Variants in TBC1D20 observed in about 807,000 individuals in gnomAD.
The protein encoded by TBC1D20 is TBC1 domain family member 20, also known as chromosome 20 open reading frame 140.
In TBC1D20, 12 loss-of-function variants were observed where a neutral mutation model predicts 41.6. The ratio of observed to expected loss-of-function variants is 0.29; its 90% CI spans 0.18 to 0.47. The LOEUF is 0.47. TBC1D20 is among the 20% of genes least tolerant of loss of function. TBC1D20 has a pLI of 1.00. For missense variants in TBC1D20, 421 were observed against 517.4 expected, an observed-to-expected ratio of 0.81 and a Z score of 1.81; for synonymous variants, 205 against 204.8, an observed-to-expected ratio of 1.00 and a Z score of -0.01.
rs1020908686 is a variant in TBC1D20, at chr20:443,044, G to A, written c.338-1001C>T. On this transcript the variant is annotated intron_variant, in intron 3 of 7. Coordinates refer to ENST00000354200, the MANE Select transcript of TBC1D20 (RefSeq NM_144628.4). Reference sequence around the variant, plus strand: ...GAACCCAGGAACCAGAGCTTGCAGTGAGCTGAGATCGTGCCACTGCACTGC... The same window carrying A: ...GAACCCAGGAACCAGAGCTTGCAGTAAGCTGAGATCGTGCCACTGCACTGC... Among the ~76,000 whole-genome samples the A allele has an allele frequency of 1.0e-3, 156 of 152,198 alleles. 2 individuals are homozygous for A. The highest frequency in any genetic ancestry group is 7.4e-5 in the Non-Finnish European group (5 of 68,020).
chr20:461,966 T>A (rs2017638990), intron 1 of TBC1D20, among the ~76,000 whole-genome samples: 2 of 152,302 alleles, frequency 1.3e-5, no homozygotes, highest in South Asian at 4.1e-4. Context: ...GGGAGGCGGC[T>A]CCGGGAGCCT....
In TBC1D20 at chr20:439,172, G is replaced by C. The variant is rs1195826229; in HGVS notation, c.892C>G (p.Leu298Val). Reference sequence around the variant, plus strand: ...TCGGATGGGGGAAACTGAACAAAAAGGTCTCCTGCTCTGCTGATCAGTGTC... The same window carrying C: ...TCGGATGGGGGAAACTGAACAAAAACGTCTCCTGCTCTGCTGATCAGTGTC... The part of the protein sequence containing the change: ...YETLISRAGD[L>V]FVQFPPSELA... Residue 298 changes from leucine to valine, a missense_variant, in exon 7 of 8, where the codon CTT (leucine) becomes GTT (valine). Around this residue, in one of 3 missense-constraint regions of TBC1D20, gnomAD observed 161 missense variants for 182.7 expected, o/e 0.88. Transcript: ENST00000354200. The surrounding 1 kb of genome is among the most constrained non-coding windows in gnomAD (Gnocchi z 4.6). 4 of 1,614,186 alleles carry C rather than the reference G, an allele frequency of 2.5e-6. No homozygotes were observed. The highest frequency in any genetic ancestry group is 2.5e-6 in the Non-Finnish European group (3 of 1,180,018).
intron 1 of TBC1D20, among the ~76,000 whole-genome samples, chr20:449,230 G>A (rs1445766978): frequency 9.2e-6 from 1 of 108,990 alleles, no homozygotes; most frequent in Non-Finnish European, 1.7e-5. Context: ...TCGGCTCACT[G>A]CAACCTCTGC....
intron 1 of TBC1D20, among the ~76,000 whole-genome samples, chr20:461,346 GCGC>G (rs2017625679): frequency 6.6e-6 from 1 of 152,118 alleles, no homozygotes; most frequent in Non-Finnish European, 1.5e-5. Context: ...AAAAATAGAA[GCGC>G]TTTTTATACA....
chr20:441,807 G>C, intron 4 of TBC1D20, 50 bp downstream of exon 4: 6 of 1,599,330 alleles, frequency 3.8e-6, no homozygotes, highest in Non-Finnish European at 5.1e-6. Flanking sequence ...GTTATCCCCA[G>C]GACGGCTGAG....
At chr20:449,074 T>C (rs1337466937) in intron 1 of TBC1D20, among the ~76,000 whole-genome samples, 2 of 150,236 alleles carry the variant, frequency 1.3e-5, no homozygotes, top group Non-Finnish European at 3.0e-5. Flanking sequence ...CATGAACTCC[T>C]GACGTCGTGA....
intron 1 of TBC1D20, 64 bp downstream of exon 1, chr20:462,272 A>G (rs1600347975): frequency 8.8e-7 from 1 of 1,140,002 alleles, no homozygotes; most frequent in Non-Finnish European, 1.1e-6. Flanking sequence ...CGCCTCCGCC[A>G]GCTGCCCCTG....
intron 1 of TBC1D20, among the ~76,000 whole-genome samples, chr20:450,249 A>G (rs936597635): frequency 6.6e-6 from 1 of 151,898 alleles, no homozygotes. Flanking sequence ...CCCAGGTTCA[A>G]GTGATTTTCC....
intron 1 of TBC1D20, among the ~76,000 whole-genome samples, chr20:458,311 C>T (rs2017575351): frequency 6.6e-6 from 1 of 151,356 alleles, no homozygotes; most frequent in Admixed American, 6.6e-5. Flanking sequence ...AGACTCTGTT[C>T]CAATTTTTTT....
chr20:448,862 G>C (rs868134159), intron 1 of TBC1D20, among the ~76,000 whole-genome samples: 94 of 42,380 alleles, frequency 2.2e-3, no homozygotes, highest in African/African-American at 7.5e-3. Flanking sequence ...TTTTTTTTTT[G>C]AGACGGAGTC....
In TBC1D20 at chr20:441,688, C is replaced by A. The variant is rs1330041795; in HGVS notation, c.526G>T (p.Asp176Tyr). 6.2e-7 allele frequency: 1 copy of A among 1,613,908 alleles called. No homozygotes were observed. Among genetic ancestry groups the A allele is most frequent in the Admixed American group, 1.7e-5 (1 of 59,998 alleles). The change falls in exon 5 of 8, where the codon GAT becomes TAT. Residue 176 changes from aspartate (D) to tyrosine (Y), a missense_variant and splice_region_variant. Around this residue, in one of 3 missense-constraint regions of TBC1D20, gnomAD observed 110 missense variants for 183.5 expected, o/e 0.60. Transcript: ENST00000354200. Reference sequence around the variant, plus strand: ...TTGTCCATTGTTGGATCCATAAAATCCCTGGAGGGAGACAATTCAATAAGC... The same window carrying A: ...TTGTCCATTGTTGGATCCATAAAATACCTGGAGGGAGACAATTCAATAAGC... ...VEKLSTHHLR[D>Y]FMDPTMDNTK...
intron 2 of TBC1D20, among the ~76,000 whole-genome samples, chr20:446,943 ATTTTTTTTTTTTTT>A (rs35489596): frequency 2.0e-4 from 15 of 75,912 alleles, no homozygotes; most frequent in African/African-American, 7.7e-4. Flanking sequence ...CAAAATACGC[ATTTTTTTTTTTTTT>A]TTTTTTTTTT....
intron 2 of TBC1D20, among the ~76,000 whole-genome samples, chr20:445,605 G>T (rs2017317260): frequency 6.6e-6 from 1 of 152,184 alleles, no homozygotes; most frequent in South Asian, 2.1e-4. Context: ...CTCACATAAA[G>T]AACCACCTAA....
intron 2 of TBC1D20, among the ~76,000 whole-genome samples, chr20:446,942 C>CT (rs2017343092): frequency 7.8e-6 from 1 of 128,570 alleles, no homozygotes; most frequent in Admixed American, 8.9e-5. Context: ...ACAAAATACG[C>CT]ATTTTTTTTT....
intron 1 of TBC1D20, among the ~76,000 whole-genome samples, chr20:459,070 T>C (rs938284195): frequency 6.6e-6 from 1 of 151,992 alleles, no homozygotes; most frequent in African/African-American, 2.4e-5. Flanking sequence ...AAACAGAAAA[T>C]TCAAGTGAGC....
chr20:444,663 G>A (rs958270216), intron 3 of TBC1D20, among the ~76,000 whole-genome samples: 3 of 152,008 alleles, frequency 2.0e-5, no homozygotes, highest in African/African-American at 4.8e-5. Flanking sequence ...TTCCCTCTAA[G>A]GAATCTTACA....
chr20:436,628 T>C lies in TBC1D20; in HGVS notation c.*1958A>G, dbSNP rs1186411992. On this transcript the variant is annotated 3_prime_UTR_variant, in exon 8 of 8. Coordinates refer to ENST00000354200, the MANE Select transcript of TBC1D20 (RefSeq NM_144628.4). ...CAGCTGGTGCCGCCCACTGAGAGGA[T>C]GACAAGAGGGCCAGCTTGCTTTGGG... The C allele has an allele frequency of 2.0e-5, 3 of 153,484 alleles. No homozygotes were observed. Among genetic ancestry groups the C allele is most frequent in the Non-Finnish European group, 2.9e-5 (2 of 67,994 alleles). 9.5% of individuals were successfully genotyped at this position (153,484 alleles called of 1,614,324 possible).
At chr20:455,010 C>T (rs2017517130) in intron 1 of TBC1D20, among the ~76,000 whole-genome samples, 1 of 152,156 alleles carries the variant, frequency 6.6e-6, no homozygotes. Flanking sequence ...TAATAAGTCA[C>T]AGGTGAGCTA....
intron 2 of TBC1D20, among the ~76,000 whole-genome samples, chr20:445,980 TA>T (rs1283287226): frequency 2.0e-5 from 3 of 152,258 alleles, no homozygotes; most frequent in Non-Finnish European, 4.4e-5. Context: ...ATTCCAAGGA[TA>T]ATAACAAGTG....
Sources: allele counts gnomAD v4.1 joint callset (sites outside exome capture counted in the v4.1 genomes callset), GRCh38; gene constraint gnomAD v4.1.1; regional missense constraint gnomAD v4.1.1; non-coding constraint Gnocchi (gnomAD v3.1); transcripts MANE v1.5; gene names NCBI Gene and HGNC (gene_info 2026-07-23, HGNC 2026-07-21).